The following SLC9A9 variants were observed in gnomAD, a reference collection of about 807,000 sequenced individuals.
SLC9A9 encodes solute carrier family 9 member A9, also known as sodium/hydrogen exchanger 9.
Under a neutral mutation model 77.8 loss-of-function variants are expected in SLC9A9, and 62 were observed. The observed-to-expected ratio is 0.80, with a 90% CI of 0.65 to 0.98. SLC9A9 has a LOEUF of 0.98. Among genes scored for constraint, SLC9A9 ranks in the 50% least tolerant of loss-of-function variants. The pLI is 0.00. For synonymous variants in SLC9A9, 320 were observed against 283.5 expected (o/e 1.13, Z -1.29); for missense variants, 775 against 774.9 (o/e 1.00, Z 0.00).
chr3:143,313,295 C>G (rs1211026099), intron 14 of SLC9A9: 2 of 152,310 alleles, frequency 1.3e-5, no homozygotes, highest in East Asian at 3.9e-4. Context: ...GGGCAGGGAC[C>G]CGGTGATGGG....
intron 14 of SLC9A9, among the ~76,000 whole-genome samples, chr3:143,298,097 T>G (rs2030357780): frequency 6.6e-6 from 1 of 152,240 alleles, no homozygotes. Context: ...TGAGAAAGGC[T>G]AAGACAAGAT....
intron 14 of SLC9A9, among the ~76,000 whole-genome samples, chr3:143,282,963 C>G (rs1389369579): frequency 2.0e-5 from 3 of 152,202 alleles, no homozygotes; most frequent in Non-Finnish European, 2.9e-5. Context: ...AATTTCTTCA[C>G]TGGGGTTTCC....
At chr3:143,384,587 G>A (rs1276451113) in intron 12 of SLC9A9, among the ~76,000 whole-genome samples, 1 of 152,186 alleles carries the variant, frequency 6.6e-6, no homozygotes, top group Admixed American at 6.5e-5. Flanking sequence ...TTTCTTTGCA[G>A]CAGCAATCAG....
At chr3:143,598,808 G>A (rs894766796) in intron 6 of SLC9A9, among the ~76,000 whole-genome samples, 2 of 152,236 alleles carry the variant, frequency 1.3e-5, no homozygotes, top group African/African-American at 2.4e-5. Context: ...TTAATATGGA[G>A]GGAGTTTGGT....
At chr3:143,511,668 T>G (rs1447428353) in intron 9 of SLC9A9, among the ~76,000 whole-genome samples, 1 of 152,204 alleles carries the variant, frequency 6.6e-6, no homozygotes, top group South Asian at 2.1e-4. Context: ...TGGAGGACCT[T>G]GTCCAGGCAT....
chr3:143,721,684 A>G (rs41465652), intron 4 of SLC9A9, among the ~76,000 whole-genome samples: 27,471 of 152,122 alleles, frequency 0.18, 3,339 homozygotes, highest in East Asian at 0.56. Context: ...ACGTCTTTAC[A>G]GAGTCCCTCA....
At chr3:143,335,038 T>C (rs1250920998) in intron 14 of SLC9A9, among the ~76,000 whole-genome samples, 2 of 151,910 alleles carry the variant, frequency 1.3e-5, no homozygotes, top group African/African-American at 4.8e-5. Context: ...TAATCTTATA[T>C]ATAGAAAACC....
intron 5 of SLC9A9, among the ~76,000 whole-genome samples, chr3:143,665,193 G>T (rs535261827): frequency 6.6e-6 from 1 of 152,144 alleles, no homozygotes; most frequent in African/African-American, 2.4e-5. Flanking sequence ...ACTCAAAACC[G>T]CTCAACTACA....
chr3:143,329,082 A>C (rs1218083406), intron 14 of SLC9A9, among the ~76,000 whole-genome samples: 1 of 152,230 alleles, frequency 6.6e-6, no homozygotes, highest in Non-Finnish European at 1.5e-5. Context: ...TAATCTAACT[A>C]CACAAGAACA....
intron 4 of SLC9A9, among the ~76,000 whole-genome samples, chr3:143,712,721 G>A (rs10513220): frequency 0.034 from 5,218 of 152,224 alleles, 293 homozygotes; most frequent in African/African-American, 0.12. Flanking sequence ...CTTAGCATTA[G>A]CCATCTCCCT....
At chr3:143,494,898 CG>C (rs1005842870) in intron 10 of SLC9A9, among the ~76,000 whole-genome samples, 13 of 152,124 alleles carry the variant, frequency 8.5e-5, no homozygotes, top group African/African-American at 3.1e-4. Context: ...TTTTGAAGTC[CG>C]TATTGGAAAA....
chr3:143,594,220 A>G (rs2037712700), intron 6 of SLC9A9, among the ~76,000 whole-genome samples: 1 of 152,236 alleles, frequency 6.6e-6, no homozygotes, highest in African/African-American at 2.4e-5. Flanking sequence ...AGTGATCACC[A>G]TGTGCAATCC....
chr3:143,290,473 T>C (rs1168862880), intron 14 of SLC9A9, among the ~76,000 whole-genome samples: 1 of 152,234 alleles, frequency 6.6e-6, no homozygotes, highest in Non-Finnish European at 1.5e-5. Context: ...GATTTGAGTC[T>C]GATGGGAAGC....
intron 14 of SLC9A9, among the ~76,000 whole-genome samples, chr3:143,337,471 A>G (rs1167804972): frequency 6.6e-6 from 1 of 152,234 alleles, no homozygotes; most frequent in Non-Finnish European, 1.5e-5. Context: ...GGATCTGATC[A>G]TTCACATGTC....
At chr3:143,799,493 C>T (rs2008489187) in intron 2 of SLC9A9, among the ~76,000 whole-genome samples, 2 of 152,210 alleles carry the variant, frequency 1.3e-5, no homozygotes, top group Admixed American at 6.5e-5. Flanking sequence ...CACACAAGAA[C>T]TCCAAATTCC....
chr3:143,655,690 A>G (rs886621315), intron 5 of SLC9A9: 31 of 886,044 alleles, frequency 3.5e-5, no homozygotes, highest in Non-Finnish European at 4.2e-5. Flanking sequence ...GTACACACAC[A>G]CACACACACA....
chr3:143,436,973 C>T (rs750161168), intron 12 of SLC9A9, among the ~76,000 whole-genome samples: 3 of 152,220 alleles, frequency 2.0e-5, no homozygotes, highest in Non-Finnish European at 2.9e-5. Context: ...AGGCATTGAG[C>T]TAGATTTCCC....
At chr3:143,438,767 G>A (rs2034671303) in intron 12 of SLC9A9, among the ~76,000 whole-genome samples, 2 of 152,170 alleles carry the variant, frequency 1.3e-5, no homozygotes, top group Admixed American at 1.3e-4. Context: ...TGGTTCTTGA[G>A]TGGGGAGTGG....
At chr3:143,348,230 T>C (rs937144810) in intron 14 of SLC9A9, among the ~76,000 whole-genome samples, 1 of 152,094 alleles carries the variant, frequency 6.6e-6, no homozygotes, top group African/African-American at 2.4e-5. Flanking sequence ...ATCTCGACCT[T>C]GTGATCCACC....
Sources: gnomAD v4.1 joint callset for allele counts (sites outside exome capture counted in the v4.1 genomes callset) on GRCh38, gnomAD v4.1.1 for gene constraint, MANE v1.5 for transcripts, NCBI Gene and HGNC (gene_info 2026-07-23, HGNC 2026-07-21) for gene names.